Variants in ATRNL1 observed in about 807,000 individuals in gnomAD.
ATRNL1 encodes attractin-like protein 1.
In ATRNL1, 95 loss-of-function variants were observed where a neutral mutation model predicts 182.7. The ratio of observed to expected loss-of-function variants is 0.52; its 90% CI spans 0.44 to 0.62. ATRNL1 has a LOEUF of 0.62. Ranked by LOEUF, ATRNL1 falls within the 20% of genes least tolerant of loss-of-function variation. The pLI, the probability that ATRNL1 is intolerant of heterozygous loss-of-function variation, is 0.00. For synonymous variants in ATRNL1, 576 were observed against 568.3 expected, an observed-to-expected ratio of 1.01 and a Z score of -0.19; for missense variants, 1,471 against 1,679.5, an observed-to-expected ratio of 0.88 and a Z score of 2.17.
intron 19 of ATRNL1, among the ~76,000 whole-genome samples, chr10:115,355,833 C>CTTTT (rs1363278080): frequency 6.6e-6 from 1 of 151,546 alleles, no homozygotes; most frequent in Non-Finnish European, 1.5e-5. Flanking sequence ...TTTTGTTGAT[C>CTTTT]TTTTTATAGG....
intron 26 of ATRNL1, among the ~76,000 whole-genome samples, chr10:115,654,256 G>A (rs1162471503): frequency 6.6e-6 from 1 of 151,062 alleles, no homozygotes; most frequent in Non-Finnish European, 1.5e-5. Context: ...GTCTGGCTCT[G>A]TCACCCAGGC....
chr10:115,701,628 TC>T (rs1946739652), intron 26 of ATRNL1, among the ~76,000 whole-genome samples: 2 of 151,884 alleles, frequency 1.3e-5, no homozygotes, highest in Non-Finnish European at 2.9e-5. Flanking sequence ...TTACAGCCAA[TC>T]CTGCGAAAAT....
At chr10:115,926,604 A>G (rs1320531168) in intron 28 of ATRNL1, among the ~76,000 whole-genome samples, 4 of 152,182 alleles carry the variant, frequency 2.6e-5, no homozygotes, top group African/African-American at 9.6e-5. Flanking sequence ...CAGACATACA[A>G]ACTACCATCA....
At chr10:115,593,622 T>C (rs1856048165) in intron 26 of ATRNL1, among the ~76,000 whole-genome samples, 2 of 152,202 alleles carry the variant, frequency 1.3e-5, no homozygotes, top group South Asian at 4.1e-4. Flanking sequence ...TCATAATACA[T>C]TGTTGAGATC....
intron 16 of ATRNL1, among the ~76,000 whole-genome samples, chr10:115,300,834 C>T (rs1554924261): frequency 6.6e-6 from 1 of 152,040 alleles, no homozygotes; most frequent in Non-Finnish European, 1.5e-5. Flanking sequence ...CATTTAGCTC[C>T]AGAACTTTTT....
chr10:115,496,869 C>G (rs1163627171), intron 24 of ATRNL1, among the ~76,000 whole-genome samples: 1 of 151,962 alleles, frequency 6.6e-6, no homozygotes, highest in Non-Finnish European at 1.5e-5. Flanking sequence ...TGACTATAGT[C>G]TTAGGGATGG....
chr10:115,311,389 A>C (rs1231293366), intron 17 of ATRNL1, among the ~76,000 whole-genome samples: 1 of 152,034 alleles, frequency 6.6e-6, no homozygotes, highest in Non-Finnish European at 1.5e-5. Flanking sequence ...CGGTTTCACC[A>C]TGTTGGTCAG....
At chr10:115,293,546 C>A (rs535638884) in intron 15 of ATRNL1, among the ~76,000 whole-genome samples, 1 of 152,086 alleles carries the variant, frequency 6.6e-6, no homozygotes, top group East Asian at 1.9e-4. Context: ...AGTGTGTTGG[C>A]TCTACCAGTG....
chr10:115,374,782 A>G (rs1216679380), intron 19 of ATRNL1, among the ~76,000 whole-genome samples: 1 of 151,614 alleles, frequency 6.6e-6, no homozygotes, highest in Non-Finnish European at 1.5e-5. Context: ...TGAATTTTCA[A>G]TTTTTCCTCC....
At chr10:115,098,750 C>T (rs1554863879) in intron 1 of ATRNL1, among the ~76,000 whole-genome samples, 1 of 152,040 alleles carries the variant, frequency 6.6e-6, no homozygotes, top group African/African-American at 2.4e-5. Flanking sequence ...AGCCACTGCG[C>T]CTGGCCACTT....
chr10:115,357,555 T>A (rs1856556497), intron 19 of ATRNL1, among the ~76,000 whole-genome samples: 1 of 151,730 alleles, frequency 6.6e-6, no homozygotes, highest in Non-Finnish European at 1.5e-5. Flanking sequence ...TAATATATTA[T>A]TTAGGAAGAA....
At chr10:115,890,962 G>A (rs1052856877) in intron 28 of ATRNL1, among the ~76,000 whole-genome samples, 5 of 152,128 alleles carry the variant, frequency 3.3e-5, no homozygotes, top group African/African-American at 1.2e-4. Context: ...TGCAGATGCC[G>A]ACTGGGGACT....
At chr10:115,447,497 A>T (rs1266855639) in intron 21 of ATRNL1, among the ~76,000 whole-genome samples, 2 of 151,838 alleles carry the variant, frequency 1.3e-5, no homozygotes, top group Non-Finnish European at 3.0e-5. Context: ...CATCCATAAA[A>T]ATTAATACTA....
At chr10:115,429,069 GT>G (rs1846031812) in intron 21 of ATRNL1, among the ~76,000 whole-genome samples, 1 of 151,922 alleles carries the variant, frequency 6.6e-6, no homozygotes, top group South Asian at 2.1e-4. Flanking sequence ...TTGTGGTTTT[GT>G]TTTGTATTTC....
intron 27 of ATRNL1, among the ~76,000 whole-genome samples, chr10:115,782,617 G>C (rs1291773743): frequency 7.2e-5 from 11 of 152,128 alleles, no homozygotes; most frequent in Admixed American, 6.5e-4. Flanking sequence ...AAAGAGAAAA[G>C]GGCTGAGAAG....
intron 7 of ATRNL1, 90 bp downstream of exon 7, chr10:115,165,735 A>G: frequency 3.3e-6 from 2 of 598,496 alleles, no homozygotes; most frequent in Admixed American, 5.9e-5. Context: ...ATTTATTTCA[A>G]ATATTTAATG....
intron 27 of ATRNL1, among the ~76,000 whole-genome samples, chr10:115,802,013 A>G (rs1412425845): frequency 1.1e-4 from 3 of 28,348 alleles, no homozygotes; most frequent in East Asian, 4.5e-3. Flanking sequence ...TGCCTTAAAA[A>G]AAAAAGAAAC....
intron 19 of ATRNL1, among the ~76,000 whole-genome samples, chr10:115,364,009 T>C (rs1264613044): frequency 6.6e-6 from 1 of 152,116 alleles, no homozygotes; most frequent in African/African-American, 2.4e-5. Context: ...CGGGCTCTTT[T>C]TTGATTCCAT....
chr10:115,856,554 C>T (rs995340440), intron 28 of ATRNL1, among the ~76,000 whole-genome samples: 11 of 151,530 alleles, frequency 7.3e-5, no homozygotes, highest in Non-Finnish European at 8.8e-5. Context: ...GCACCAGGGA[C>T]GGGTTTCGTG....
Sources: allele counts gnomAD v4.1 joint callset (sites outside exome capture counted in the v4.1 genomes callset), GRCh38; gene constraint gnomAD v4.1.1; transcripts MANE v1.5; gene names NCBI Gene and HGNC (gene_info 2026-07-23, HGNC 2026-07-21).